The following SERPINB12 variants were observed in gnomAD, a reference collection of about 807,000 sequenced individuals.
SERPINB12 encodes the protein serpin B12.
A neutral mutation model predicts 41.1 loss-of-function variants in SERPINB12; 57 were observed. The ratio of observed to expected loss-of-function variants is 1.39; its 90% CI spans 1.12 to 1.73. The LOEUF (loss-of-function observed/expected upper bound fraction) is 1.73. SERPINB12 is among the 40% of genes most tolerant of loss of function. The pLI, the probability that SERPINB12 is intolerant of heterozygous loss-of-function variation, is 0.00. For synonymous variants in SERPINB12, 180 were observed against 181.3 expected (o/e 0.99, Z 0.06); for missense variants, 536 against 501.9 (o/e 1.07, Z -0.65).
intron 7 of SERPINB12, among the ~76,000 whole-genome samples, chr18:63,565,875 G>T (rs1402413709): frequency 6.6e-6 from 1 of 152,164 alleles, no homozygotes; most frequent in African/African-American, 2.4e-5. Flanking sequence ...AGGAATCTGG[G>T]TTCTGAGTAA....
chr18:63,566,965 A>T lies in SERPINB12; in HGVS notation c.1232A>T (p.Asn411Ile), dbSNP rs909235284. 6.2e-7 allele frequency: 1 copy of T among 1,611,636 alleles called. No homozygotes were observed. The highest frequency in any genetic ancestry group is 1.3e-5 in the African/African-American group (1 of 74,742). The change falls in exon 8 of 8, where the codon AAC (asparagine) becomes ATC (isoleucine). Residue 411 changes from asparagine to isoleucine, a missense_variant. Transcript: ENST00000382768. ...CCTTTTCTCTTTTTCATTAGACACA[A>T]CAAAACCCAAACCATTCTCTTTTAT... ...NHPFLFFIRH[N>I]KTQTILFYGR... is the part of the protein sequence containing the mutation.
rs771263213 is a variant in SERPINB12, at chr18:63,561,123, G to A, written c.483G>A (p.Thr161=). 1.7e-5 allele frequency: 27 copies of A among 1,612,728 alleles called. No individual in the cohort carries two copies. The highest frequency in any genetic ancestry group is 2.7e-5 in the African/African-American group (2 of 74,862). The change falls in exon 5 of 8, where the codon ACG becomes ACA. Residue 161 remains threonine (T), a synonymous_variant. Transcript: ENST00000382768. ...LDGVIQFYHT[T]IESVDFQKNP... ...GTGTGATTCAATTTTACCACACGAC[G>A]ATTGAAAGTGTTGATTTCCAAAAAA...
Position 63,566,606 on chromosome 18 carries a change from G to T in SERPINB12, c.874-1G>T. The T allele has an allele frequency of 6.2e-7, 1 of 1,601,114 alleles. No individual in the cohort carries two copies. Among genetic ancestry groups the T allele is most frequent in the African/African-American group, 1.3e-5 (1 of 74,232 alleles). ...TAAATATTATTTCCTTCCTCTTGTA[G>T]CTTGAAAGGAAAATCACCTATGAAA... On this transcript the variant is annotated splice_acceptor_variant, in intron 7 of 7. Coordinates refer to ENST00000382768, the MANE Select transcript of SERPINB12 (RefSeq NM_001307928.2). LOFTEE classifies it high-confidence loss of function.
intron 6 of SERPINB12, among the ~76,000 whole-genome samples, chr18:63,564,819 C>T (rs770573311): frequency 2.2e-4 from 34 of 152,060 alleles, no homozygotes; most frequent in African/African-American, 4.6e-4. Flanking sequence ...GCTGGCAGGG[C>T]GTGTTTCTGC....
At position 63,558,348 on chromosome 18, in the gene SERPINB12, G is replaced by T. The variant is rs940890974; in HGVS notation, c.169-4G>T. 6.2e-7 allele frequency: 1 copy of T among 1,610,986 alleles called. No individual in the cohort carries two copies. On this transcript the variant is annotated splice_polypyrimidine_tract_variant and splice_region_variant and intron_variant, in intron 2 of 7. Transcript: ENST00000382768. ...CTGAAAGACCCCATCCCGTTATCAT[G>T]CAGGTACTACACTTCAACGAATTTT... is the stretch of plus-strand genomic sequence containing the variant.
chr18:63,554,219 A>G (rs1339618544), intron 1 of SERPINB12, among the ~76,000 whole-genome samples: 1 of 152,234 alleles, frequency 6.6e-6, no homozygotes, highest in African/African-American at 2.4e-5. Context: ...CGATAGATAC[A>G]GTAGAAAGAT....
At chr18:63,533,494 A>G in the SERPINB12 span, among the ~76,000 whole-genome samples, 11 of 152,244 alleles carry the variant, frequency 7.2e-5, no homozygotes, top group African/African-American at 2.4e-5. Context: ...AGCAGAGCTG[A>G]GAGCAGTCTT....
chr18:63,553,203 A>T lies in SERPINB12; in HGVS notation c.-18-2939A>T, dbSNP rs193189684. 1.9e-4 allele frequency among the ~76,000 whole-genome samples: 29 copies of T among 152,318 alleles called. No individual in the cohort carries two copies. In the East Asian group the frequency reaches 5.6e-3, roughly 29 times the overall value. On this transcript the variant is annotated intron_variant, in intron 1 of 7. Coordinates refer to ENST00000382768, the MANE Select transcript of SERPINB12 (RefSeq NM_001307928.2). ...CAGAGAGAGTTTTGGAGTGTTCTGT[A>T]GCCCACAGAGTGAGTAAGTGTAGTG... is the stretch of plus-strand genomic sequence containing the variant.
intron 1 of SERPINB12, among the ~76,000 whole-genome samples, chr18:63,552,682 A>G (rs1002678823): frequency 6.6e-5 from 10 of 152,172 alleles, no homozygotes; most frequent in African/African-American, 2.4e-4. Context: ...TCTCAAAGGC[A>G]GAGATTGTGT....
rs532479919 is a variant in SERPINB12 at position 63,552,874 on chromosome 18, T to C, written c.-18-3268T>C. On this transcript the variant is annotated intron_variant, in intron 1 of 7. Coordinates refer to ENST00000382768, the MANE Select transcript of SERPINB12 (RefSeq NM_001307928.2). ...GACATTTTAATCTAGTCATTAAATG[T>C]TCATTATTTGCTATGTTTTAGACTT... Among the ~76,000 whole-genome samples the C allele has an allele frequency of 5.3e-4, 80 of 152,294 alleles. 2 individuals are homozygous for C. The highest frequency in any genetic ancestry group is 1.8e-3 in the African/African-American group (74 of 41,562).
At chr18:63,540,881 A>G (rs75881137), upstream of SERPINB12, among the ~76,000 whole-genome samples, 1,030 of 152,336 alleles carry the variant, frequency 6.8e-3, 11 homozygotes, top group African/African-American at 0.023. Context: ...AGGTTTAAGT[A>G]TTAAATGTTA....
chr18:63,556,243 A>G lies in SERPINB12; in HGVS notation c.84A>G (p.Ile28Met), dbSNP rs1244875562. ...EIGKDDRHKN[I>M]FFSPLSLSAA... ...GCAAAGATGATCGTCATAAAAACAT[A>G]TTTTTCTCTCCCCTGAGCCTCTCAG... The change falls in exon 2 of 8, where the codon ATA becomes ATG. Residue 28 changes from isoleucine (I) to methionine (M), a missense_variant. Coordinates refer to ENST00000382768, the MANE Select transcript of SERPINB12 (RefSeq NM_001307928.2). 2 of 1,613,914 alleles carry G rather than the reference A, an allele frequency of 1.2e-6. No homozygotes were observed. The highest frequency in any genetic ancestry group is 1.7e-6 in the Non-Finnish European group (2 of 1,179,948).
chr18:63,556,408 A>G, intron 2 of SERPINB12, 81 bp downstream of exon 2: 1 of 1,378,392 alleles, frequency 7.3e-7, no homozygotes, highest in Non-Finnish European at 9.9e-7. Context: ...CACTTAGGCA[A>G]GCCAAGGGGC....
chr18:63,561,144 A>G lies in SERPINB12; in HGVS notation c.504A>G (p.Gln168=), dbSNP rs1910894355. The change falls in exon 5 of 8, where the codon CAA becomes CAG. Residue 168 remains glutamine (Q), a synonymous_variant. Transcript: ENST00000382768. Reference sequence around the variant, plus strand: ...CGACGATTGAAAGTGTTGATTTCCAAAAAAACCCTGAAAAATCCAGACAAG... The same window carrying G: ...CGACGATTGAAAGTGTTGATTTCCAGAAAAACCCTGAAAAATCCAGACAAG... ...YHTTIESVDF[Q]KNPEKSRQEI... 1 of 1,613,728 alleles carries G rather than the reference A, an allele frequency of 6.2e-7. No homozygotes were observed. The highest frequency in any genetic ancestry group is 1.3e-5 in the African/African-American group (1 of 74,882).
chr18:63,524,830 A>G, the SERPINB12 span, among the ~76,000 whole-genome samples: 2 of 149,734 alleles, frequency 1.3e-5, no homozygotes, highest in African/African-American at 4.9e-5. Context: ...GCTCACTGCA[A>G]CCTCAGCCTC....
At chr18:63,563,312 T>C (rs1910975378) in intron 5 of SERPINB12, among the ~76,000 whole-genome samples, 1 of 152,244 alleles carries the variant, frequency 6.6e-6, no homozygotes. Flanking sequence ...TTGTAGTTCT[T>C]TGTTCTCAAG....
intron 2 of SERPINB12, among the ~76,000 whole-genome samples, chr18:63,556,546 G>A (rs1408144620): frequency 6.6e-6 from 1 of 151,950 alleles, no homozygotes. Context: ...CTTCTTTAGG[G>A]TGCTCCTCAA....
the SERPINB12 span, among the ~76,000 whole-genome samples, chr18:63,534,732 T>C: frequency 2.6e-3 from 395 of 152,342 alleles, 2 homozygotes; most frequent in African/African-American, 9.2e-3. Context: ...GTACTTGTTT[T>C]ATGAGTTGCT....
At chr18:63,521,875 A>G in the SERPINB12 span, among the ~76,000 whole-genome samples, 2 of 152,226 alleles carry the variant, frequency 1.3e-5, no homozygotes, top group Non-Finnish European at 2.9e-5. Context: ...CAGACCAGTT[A>G]TCGTTCTTAG....
Sources: gnomAD v4.1 joint callset for allele counts (sites outside exome capture counted in the v4.1 genomes callset) on GRCh38, gnomAD v4.1.1 for gene constraint, MANE v1.5 for transcripts, NCBI Gene and HGNC (gene_info 2026-07-23, HGNC 2026-07-21) for gene names.